The following SH2D3C variants were observed in gnomAD, a reference collection of about 807,000 sequenced individuals.
SH2D3C encodes the protein SH2 domain containing 3C, also known as SH2 domain-containing protein 3C.
In SH2D3C, 25 loss-of-function variants were observed where a neutral mutation model predicts 75.2. The observed-to-expected ratio is 0.33, with a 90% CI of 0.24 to 0.46. The LOEUF (loss-of-function observed/expected upper bound fraction) is 0.46. Ranked by LOEUF, SH2D3C falls within the 20% of genes least tolerant of loss-of-function variation. The pLI is 1.00. For missense variants in SH2D3C, 933 were observed against 1,165.3 expected (o/e 0.80, Z 2.90); for synonymous variants, 450 against 473.7 (o/e 0.95, Z 0.65).
At chr9:127,740,405 G>C (rs1844819684) in intron 9 of SH2D3C, 36 bp from the exon 10 acceptor site, 1 of 1,562,120 alleles carries the variant, frequency 6.4e-7, no homozygotes, top group Non-Finnish European at 8.8e-7. Flanking sequence ...CAGCCAGGCA[G>C]AGGGCCTGCA....
intron 6 of SH2D3C, among the ~76,000 whole-genome samples, chr9:127,745,522 G>GGT (rs1355685233): frequency 7.1e-6 from 1 of 140,058 alleles, no homozygotes; most frequent in Non-Finnish European, 1.5e-5. Flanking sequence ...GGAGTGCAGT[G>GGT]GTGCCATCTA....
Position 127,739,640 on chromosome 9 carries a change from G to A in SH2D3C, c.2407+42C>T, listed in dbSNP as rs745550240. On this transcript the variant is annotated intron_variant, in intron 11 of 11. Transcript: ENST00000314830. The surrounding 1 kb of genome is among the most constrained non-coding windows in gnomAD (Gnocchi z 4.3). ...GAAGCAGTGAGGCAGGTGGAGGGAG[G>A]CCCAGGCCTGCAAGCCCCCCAAGAT... is the stretch of plus-strand genomic sequence containing the variant. 1.3e-6 allele frequency: 2 copies of A among 1,553,320 alleles called. No homozygotes were observed. Among genetic ancestry groups the A allele is most frequent in the Admixed American group, 1.7e-5 (1 of 57,350 alleles).
rs1213790408 is a variant in SH2D3C, at chr9:127,774,758, G to A, written c.38-291C>T. ...TCATTCTCCACATCAGTAAAATAGA[G>A]ATTCTAGCACCTACCCACTAGGGCA... On this transcript the variant is annotated intron_variant, in intron 1 of 11. Coordinates refer to ENST00000314830, the MANE Select transcript of SH2D3C (RefSeq NM_170600.3). The surrounding 1 kb of genome is among the most constrained non-coding windows in gnomAD (Gnocchi z 4.3). 6.6e-6 allele frequency among the ~76,000 whole-genome samples: 1 copy of A among 152,134 alleles called. No individual in the cohort carries two copies. Among genetic ancestry groups the A allele is most frequent in the Non-Finnish European group, 1.5e-5 (1 of 68,024 alleles).
intron 2 of SH2D3C, chr9:127,767,190 G>A (rs1469218829): frequency 2.6e-6 from 4 of 1,532,666 alleles, no homozygotes; most frequent in Middle Eastern, 2.2e-4. Context: ...GCCTTGTGAG[G>A]AGAAGGCAGA....
intron 2 of SH2D3C, among the ~76,000 whole-genome samples, chr9:127,772,393 G>A (rs941417096): frequency 8.6e-5 from 13 of 151,868 alleles, no homozygotes; most frequent in Non-Finnish European, 1.8e-4. Context: ...ACAGGTGCCC[G>A]CCGCCACACC....
chr9:127,747,663 C>G (rs919310896), intron 5 of SH2D3C, among the ~76,000 whole-genome samples: 2 of 151,996 alleles, frequency 1.3e-5, no homozygotes, highest in Non-Finnish European at 2.9e-5. Flanking sequence ...CTTCAGCCTC[C>G]GAGTAGCTGG....
chr9:127,748,399 C>T (rs1845097532), intron 5 of SH2D3C, among the ~76,000 whole-genome samples: 1 of 152,210 alleles, frequency 6.6e-6, no homozygotes, highest in Non-Finnish European at 1.5e-5. Context: ...GAGACAGAGC[C>T]TCAAGGGCCT....
In SH2D3C at chr9:127,774,190, G is replaced by C. The variant is rs762584265; in HGVS notation, c.315C>G (p.Asn105Lys). The change falls in exon 2 of 12, where the codon AAC (asparagine) becomes AAG (lysine). Residue 105 changes from asparagine (N) to lysine (K), a missense_variant. Coordinates refer to ENST00000314830, the MANE Select transcript of SH2D3C (RefSeq NM_170600.3). The surrounding 1 kb of genome is among the most constrained non-coding windows in gnomAD (Gnocchi z 4.3). ...RQAQEAGPKPNLVPGGVPDPP... is the reference protein window; with the variant it reads ...RQAQEAGPKPKLVPGGVPDPP... ...GGTCGGGTACACCTCCGGGTACCAAGTTGGGCTTGGGACCCGCCTCCTGGG... is the reference window on the plus strand; with the variant it reads ...GGTCGGGTACACCTCCGGGTACCAACTTGGGCTTGGGACCCGCCTCCTGGG... 1 of 1,613,986 alleles carries C rather than the reference G, an allele frequency of 6.2e-7. No homozygotes were observed. Among genetic ancestry groups the C allele is most frequent in the Admixed American group, 1.7e-5 (1 of 59,988 alleles).
At chr9:127,758,121 C>T (rs1845442296) in intron 3 of SH2D3C, among the ~76,000 whole-genome samples, 1 of 151,954 alleles carries the variant, frequency 6.6e-6, no homozygotes, top group African/African-American at 2.4e-5. Flanking sequence ...AGCCACCGCA[C>T]CCAGCCTTCC....
chr9:127,773,911 C>T, intron 2 of SH2D3C, 79 bp downstream of exon 2: 1 of 825,070 alleles, frequency 1.2e-6, no homozygotes, highest in Non-Finnish European at 1.9e-6. Context: ...GAGCGACACT[C>T]TGTGTCAAAA....
intron 2 of SH2D3C, chr9:127,771,306 C>G: frequency 6.8e-7 from 1 of 1,480,258 alleles, no homozygotes; most frequent in African/African-American, 1.4e-5. Flanking sequence ...GGCCACTGAG[C>G]TGCAGAGCTC....
chr9:127,754,857 G>A lies in SH2D3C; in HGVS notation c.556-3557C>T, dbSNP rs779322063. 9 of 499,314 alleles carry A rather than the reference G, an allele frequency of 1.8e-5. No homozygotes were observed. Among genetic ancestry groups the A allele is most frequent in the South Asian group, 4.6e-5 (3 of 64,704 alleles). 30.9% of individuals were successfully genotyped at this position (499,314 alleles called of 1,614,324 possible). A position where few individuals can be genotyped will look rare whatever the true frequency, so the allele number is the denominator to read the frequency against. Reference sequence around the variant, plus strand: ...GGACCGGCATCTACCGCAGCCCAGAGTCCCAGGAGTGGCCGCCGAACCCTC... The same window carrying A: ...GGACCGGCATCTACCGCAGCCCAGAATCCCAGGAGTGGCCGCCGAACCCTC... On this transcript the variant is annotated intron_variant, in intron 3 of 11. Coordinates refer to ENST00000314830, the MANE Select transcript of SH2D3C (RefSeq NM_170600.3). The surrounding 1 kb of genome is among the most constrained non-coding windows in gnomAD (Gnocchi z 4.4).
intron 3 of SH2D3C, among the ~76,000 whole-genome samples, chr9:127,760,325 G>GTTCTA (rs1309481178): frequency 6.6e-6 from 1 of 152,130 alleles, no homozygotes; most frequent in East Asian, 1.9e-4. Flanking sequence ...GCTCCTGGGG[G>GTTCTA]TAGAAGGTCA....
At chr9:127,778,560 G>A (rs1432074063) in intron 1 of SH2D3C, 31 bp downstream of exon 1, 2 of 1,562,858 alleles carry the variant, frequency 1.3e-6, no homozygotes, top group Non-Finnish European at 1.8e-6. Flanking sequence ...GCCAGGGATG[G>A]AGGACAGTGC....
At position 127,754,930 on chromosome 9, in the gene SH2D3C, G is replaced by C. The variant is rs573266522; in HGVS notation, c.556-3630C>G. 21 of 511,452 alleles carry C rather than the reference G, an allele frequency of 4.1e-5. No individual in the cohort carries two copies. Among genetic ancestry groups the C allele is most frequent in the African/African-American group, 3.3e-4 (16 of 49,228 alleles). 31.7% of individuals were successfully genotyped at this position (511,452 alleles called of 1,614,324 possible). On this transcript the variant is annotated intron_variant, in intron 3 of 11. Coordinates refer to ENST00000314830, the MANE Select transcript of SH2D3C (RefSeq NM_170600.3). This position sits in a 1 kb window ranked among gnomAD's most constrained non-coding sequence, Gnocchi z 4.4. ...CCAGAGGTGAGGCTGGGGTGACCCC[G>C]CCCCCTCCCCGGGTCGGCCGGGCCC...
intron 3 of SH2D3C, among the ~76,000 whole-genome samples, chr9:127,758,848 C>A (rs1177490486): frequency 6.6e-6 from 1 of 152,240 alleles, no homozygotes; most frequent in African/African-American, 2.4e-5. Flanking sequence ...CATCCCCTAC[C>A]TCTGGAGCTC....
intron 6 of SH2D3C, 29 bp downstream of exon 6, chr9:127,747,118 A>T: frequency 6.2e-7 from 1 of 1,605,928 alleles, no homozygotes; most frequent in Middle Eastern, 1.7e-4. Flanking sequence ...GATTCCCTCC[A>T]CCTGCTCCAC....
chr9:127,754,969 C>A lies in SH2D3C; in HGVS notation c.556-3669G>T. On this transcript the variant is annotated intron_variant, in intron 3 of 11. Transcript: ENST00000314830. This position sits in a 1 kb window ranked among gnomAD's most constrained non-coding sequence, Gnocchi z 4.4. ...TCGGCCGGGCCCAGCCCAGCCCGAC[C>A]CTGCCGGGCGCCGCTGAGCTGCAGC... is the stretch of plus-strand genomic sequence containing the variant. 1.9e-6 allele frequency: 1 copy of A among 536,326 alleles called. No individual in the cohort carries two copies. 33.2% of individuals were successfully genotyped at this position (536,326 alleles called of 1,614,324 possible).
At chr9:127,768,168 C>T (rs1276199365) in intron 2 of SH2D3C, among the ~76,000 whole-genome samples, 2 of 152,284 alleles carry the variant, frequency 1.3e-5, no homozygotes, top group African/African-American at 2.4e-5. Context: ...CCCACCACGA[C>T]CCCCACCCCT....
Sources: allele counts gnomAD v4.1 joint callset (sites outside exome capture counted in the v4.1 genomes callset), GRCh38; gene constraint gnomAD v4.1.1; non-coding constraint Gnocchi (gnomAD v3.1); transcripts MANE v1.5; gene names NCBI Gene and HGNC (gene_info 2026-07-23, HGNC 2026-07-21).